Variants in BMAL1 observed in about 807,000 individuals in gnomAD.
BMAL1 encodes basic helix-loop-helix ARNT like 1, also known as basic helix-loop-helix ARNT-like protein 1.
chr11:13,307,457 G>C, the BMAL1 span, among the ~76,000 whole-genome samples: 2 of 152,208 alleles, frequency 1.3e-5, no homozygotes, highest in East Asian at 1.9e-4. Context: ...GTGAGGTGGA[G>C]AACAGGGATA....
At chr11:13,382,338 T>C in the BMAL1 span, among the ~76,000 whole-genome samples, 11 of 152,342 alleles carry the variant, frequency 7.2e-5, no homozygotes, top group African/African-American at 2.6e-4. Flanking sequence ...GTGCTAGTTA[T>C]GTGAACTTGT....
At chr11:13,318,570 T>C in the BMAL1 span, among the ~76,000 whole-genome samples, 7 of 66,968 alleles carry the variant, frequency 1.0e-4, no homozygotes, top group East Asian at 9.5e-4. Flanking sequence ...TTTTTTTTTT[T>C]CAGAATAAAA....
chr11:13,310,831 G>A, the BMAL1 span, among the ~76,000 whole-genome samples: 1 of 152,218 alleles, frequency 6.6e-6, no homozygotes, highest in Non-Finnish European at 1.5e-5. Flanking sequence ...ATAAAGAAGT[G>A]AAGTGGCAGA....
At chr11:13,347,617 TG>T in the BMAL1 span, among the ~76,000 whole-genome samples, 1 of 152,092 alleles carries the variant, frequency 6.6e-6, no homozygotes, top group Non-Finnish European at 1.5e-5. Context: ...GAGGCCGAGA[TG>T]GGCGGATTGC....
chr11:13,366,750 C>G, the BMAL1 span: 1 of 1,614,054 alleles, frequency 6.2e-7, no homozygotes, highest in Non-Finnish European at 8.5e-7. Context: ...TCCTCTGACA[C>G]CGCACCCCGG....
At chr11:13,380,388 G>A in the BMAL1 span, 4 of 152,088 alleles carry the variant, frequency 2.6e-5, no homozygotes, top group South Asian at 4.1e-4. Flanking sequence ...TAGGAGCTGA[G>A]AGTCCTGTGG....
the BMAL1 span, among the ~76,000 whole-genome samples, chr11:13,307,749 A>G: frequency 6.6e-6 from 1 of 152,204 alleles, no homozygotes; most frequent in African/African-American, 2.4e-5. Flanking sequence ...TTGAGAAATC[A>G]GAAGATAGGT....
the BMAL1 span, among the ~76,000 whole-genome samples, chr11:13,280,007 A>G: frequency 6.6e-6 from 1 of 152,196 alleles, no homozygotes; most frequent in African/African-American, 2.4e-5. Flanking sequence ...AAAGATTTCT[A>G]GGTTGTGTTT....
At chr11:13,355,264 C>G in the BMAL1 span, 1 of 1,613,896 alleles carries the variant, frequency 6.2e-7, no homozygotes, top group Non-Finnish European at 8.5e-7. Context: ...GGCTGGAGGT[C>G]AGATGCCCAC....
the BMAL1 span, among the ~76,000 whole-genome samples, chr11:13,296,216 C>T: frequency 6.6e-6 from 1 of 152,350 alleles, no homozygotes; most frequent in East Asian, 1.9e-4. Context: ...GGAGACTCAG[C>T]ACCCTTCCTC....
the BMAL1 span, among the ~76,000 whole-genome samples, chr11:13,298,655 A>G: frequency 6.6e-6 from 1 of 152,122 alleles, no homozygotes; most frequent in Non-Finnish European, 1.5e-5. Flanking sequence ...GCATGAGTGA[A>G]TGAGTTTGGA....
At chr11:13,289,510 C>T in the BMAL1 span, among the ~76,000 whole-genome samples, 1 of 152,154 alleles carries the variant, frequency 6.6e-6, no homozygotes, top group African/African-American at 2.4e-5. Flanking sequence ...TTAGGTATAT[C>T]TCCTAATGCT....
At chr11:13,322,956 A>AT in the BMAL1 span, among the ~76,000 whole-genome samples, 581 of 141,046 alleles carry the variant, frequency 4.1e-3, 3 homozygotes, top group African/African-American at 9.8e-3. Flanking sequence ...TGCCTGTCTG[A>AT]TTTTTTTTTT....
the BMAL1 span, among the ~76,000 whole-genome samples, chr11:13,290,727 A>G: frequency 0.077 from 11,760 of 152,122 alleles, 1,564 homozygotes; most frequent in African/African-American, 0.27. Flanking sequence ...AGTTAGAGAG[A>G]CTGAAACTCA....
At chr11:13,324,256 C>T in the BMAL1 span, among the ~76,000 whole-genome samples, 6 of 152,206 alleles carry the variant, frequency 3.9e-5, no homozygotes, top group Non-Finnish European at 5.9e-5. Flanking sequence ...AACTCTCCAG[C>T]GGCTTTCTGG....
chr11:13,352,259 A>G, the BMAL1 span, among the ~76,000 whole-genome samples: 2 of 152,358 alleles, frequency 1.3e-5, no homozygotes, highest in East Asian at 1.9e-4. Context: ...GAAGTCCTTC[A>G]TAGCAGAATG....
chr11:13,310,582 A>G, the BMAL1 span, among the ~76,000 whole-genome samples: 3 of 152,198 alleles, frequency 2.0e-5, no homozygotes, highest in Non-Finnish European at 2.9e-5. Context: ...TTCGTAGGCC[A>G]TGTGGTCTCT....
chr11:13,346,077 T>C, the BMAL1 span, among the ~76,000 whole-genome samples: 1 of 152,244 alleles, frequency 6.6e-6, no homozygotes, highest in Non-Finnish European at 1.5e-5. Flanking sequence ...AGCAAAGGTT[T>C]ATTTCTTCGT....
chr11:13,361,663 C>T, the BMAL1 span, among the ~76,000 whole-genome samples: 1 of 152,160 alleles, frequency 6.6e-6, no homozygotes, highest in Non-Finnish European at 1.5e-5. Context: ...ACCAGAAGAC[C>T]TGATGAATAA....
Sources: gnomAD v4.1 joint callset for allele counts (sites outside exome capture counted in the v4.1 genomes callset) on GRCh38, gnomAD v4.1.1 for gene constraint, MANE v1.5 for transcripts, NCBI Gene and HGNC (gene_info 2026-07-23, HGNC 2026-07-21) for gene names.